Variants in ARHGAP19 observed in about 807,000 individuals in gnomAD.
The protein encoded by ARHGAP19 is Rho GTPase activating protein 19.
A neutral mutation model predicts 60.9 loss-of-function variants in ARHGAP19; 48 were observed. The observed-to-expected ratio is 0.79, with a 90% CI of 0.62 to 1.00. The LOEUF (loss-of-function observed/expected upper bound fraction) is 1.00. ARHGAP19 is among the 50% of genes least tolerant of loss of function. The probability of loss-of-function intolerance (pLI) is 0.00; values close to 1 mark genes in which losing one functional copy is unlikely to be tolerated. For synonymous variants in ARHGAP19, 209 were observed against 215.5 expected, an observed-to-expected ratio of 0.97 and a Z score of 0.27; for missense variants, 562 against 597.2, an observed-to-expected ratio of 0.94 and a Z score of 0.61.
intron 5 of ARHGAP19, among the ~76,000 whole-genome samples, chr10:97,256,864 G>A (rs112947984): frequency 2.0e-4 from 30 of 152,178 alleles, no homozygotes; most frequent in African/African-American, 7.0e-4. Context: ...GCTCATGCCT[G>A]TAATCCCAGC....
At chr10:97,279,297 A>T (rs1284967103) in intron 1 of ARHGAP19, among the ~76,000 whole-genome samples, 1 of 152,152 alleles carries the variant, frequency 6.6e-6, no homozygotes, top group African/African-American at 2.4e-5. Flanking sequence ...AACGATATCC[A>T]ATTTCTTAGA....
intron 6 of ARHGAP19, among the ~76,000 whole-genome samples, chr10:97,249,750 T>C (rs1233564291): frequency 1.3e-5 from 2 of 151,828 alleles, no homozygotes; most frequent in East Asian, 3.9e-4. Flanking sequence ...AGCTAGTTGA[T>C]AAGAAATTCT....
At chr10:97,231,059 C>CAAAAAAAAAAAAAAAAAA (rs869291841) in intron 9 of ARHGAP19, among the ~76,000 whole-genome samples, 11 of 59,764 alleles carry the variant, frequency 1.8e-4, no homozygotes, top group African/African-American at 2.8e-4. Context: ...CTTGTCTCAC[C>CAAAAAAAAAAAAAAAAAA]AAAAAAAAAA....
intron 1 of ARHGAP19, among the ~76,000 whole-genome samples, chr10:97,272,169 T>C (rs1341570797): frequency 8.5e-6 from 1 of 117,174 alleles, no homozygotes; most frequent in African/African-American, 3.2e-5. Flanking sequence ...AGAGTCTCAC[T>C]CTGTCACCCG....
In ARHGAP19 at chr10:97,223,922, A is replaced by G. The variant is rs1369885685; in HGVS notation, c.*2200T>C. 1 of 152,248 alleles carries G rather than the reference A, an allele frequency of 6.6e-6. No homozygotes were observed. The highest frequency in any genetic ancestry group is 1.5e-5 in the Non-Finnish European group (1 of 68,050). The allele number at this position is 152,248 out of a possible 1,614,324, so 9.4% of individuals were successfully genotyped here. A position where few individuals can be genotyped will look rare whatever the true frequency, so the allele number is the denominator to read the frequency against. ...TAAAACCCCTAAAGCAAGGGAAAAC[A>G]TATTCAATAAATAAACAAAACACAC... On this transcript the variant is annotated 3_prime_UTR_variant, in exon 12 of 12. Coordinates refer to ENST00000358531, the MANE Select transcript of ARHGAP19 (RefSeq NM_032900.6).
chr10:97,263,294 C>A lies in ARHGAP19; in HGVS notation c.613+126G>T. 4 of 955,234 alleles carry A rather than the reference C, an allele frequency of 4.2e-6. 1 individual carries two copies. In the Admixed American group the frequency reaches 9.0e-5, roughly 21 times the overall value. 59.2% of individuals were successfully genotyped at this position (955,234 alleles called of 1,614,324 possible). ...ATGAGTACCCAGAGAAGTCCAGCAA[C>A]ATCACGAAATCTTAACCAATATTAA... On this transcript the variant is annotated intron_variant, in intron 4 of 11. Transcript: ENST00000358531.
chr10:97,267,714 G>A (rs1344387708), intron 1 of ARHGAP19, among the ~76,000 whole-genome samples: 1 of 152,270 alleles, frequency 6.6e-6, no homozygotes, highest in Admixed American at 6.5e-5. Context: ...GCCAAGGCAT[G>A]GGGCTTGCAC....
chr10:97,251,329 A>AAAGGGAAAGGAAGGGG (rs1842652046), intron 6 of ARHGAP19, among the ~76,000 whole-genome samples: 1 of 28,734 alleles, frequency 3.5e-5, no homozygotes, highest in Non-Finnish European at 6.9e-5. Context: ...AGGGAAGGGG[A>AAAGGGAAAGGAAGGGG]AAGGGAAAGG....
At chr10:97,236,605 G>T (rs927545099) in intron 8 of ARHGAP19, among the ~76,000 whole-genome samples, 1 of 151,928 alleles carries the variant, frequency 6.6e-6, no homozygotes, top group African/African-American at 2.4e-5. Context: ...GGTGTATCCA[G>T]AGCCTTTTTA....
intron 8 of ARHGAP19, among the ~76,000 whole-genome samples, chr10:97,237,348 T>C (rs1325450237): frequency 6.7e-6 from 1 of 149,416 alleles, no homozygotes; most frequent in Non-Finnish European, 1.5e-5. Flanking sequence ...ATGCACCACA[T>C]AATGACATTT....
intron 8 of ARHGAP19, among the ~76,000 whole-genome samples, chr10:97,242,455 T>C (rs947856067): frequency 6.7e-6 from 1 of 148,466 alleles, no homozygotes; most frequent in African/African-American, 2.5e-5. Context: ...TGCCTCAGCC[T>C]CCGGAATAGC....
chr10:97,242,024 AT>A lies in ARHGAP19; in HGVS notation c.1185+1943del, dbSNP rs1277761424. On this transcript the variant is annotated intron_variant, in intron 8 of 11. Transcript: ENST00000358531. ...GACTCTGCCTCAAAAAAAAAAAAAAATAATAATAATAATAATTAATAAATAA... is the reference window on the plus strand; with the variant it reads ...GACTCTGCCTCAAAAAAAAAAAAAAAAATAATAATAATAATTAATAAATAA... 1.2e-3 allele frequency among the ~76,000 whole-genome samples: 178 copies of A among 147,402 alleles called. 1 individual carries two copies. Among genetic ancestry groups the A allele is most frequent in the African/African-American group, 3.9e-3 (157 of 39,894 alleles).
chr10:97,242,981 A>G (rs1842512262), intron 8 of ARHGAP19, among the ~76,000 whole-genome samples: 1 of 152,184 alleles, frequency 6.6e-6, no homozygotes, highest in South Asian at 2.1e-4. Context: ...AGAAGTCATT[A>G]TACCTGTCCT....
intron 11 of ARHGAP19, among the ~76,000 whole-genome samples, chr10:97,227,348 C>T (rs1243242028): frequency 6.6e-6 from 1 of 152,040 alleles, no homozygotes; most frequent in African/African-American, 2.4e-5. Flanking sequence ...CCTGGCATTG[C>T]CAGGCTGGAA....
intron 11 of ARHGAP19, among the ~76,000 whole-genome samples, chr10:97,227,554 G>C (rs547767482): frequency 9.2e-5 from 14 of 152,150 alleles, no homozygotes; most frequent in Non-Finnish European, 1.8e-4. Flanking sequence ...AGAGGAAGAA[G>C]AACGAGAATA....
At chr10:97,290,891 C>T (rs1843222239) in intron 1 of ARHGAP19, among the ~76,000 whole-genome samples, 1 of 152,068 alleles carries the variant, frequency 6.6e-6, no homozygotes, top group South Asian at 2.1e-4. Flanking sequence ...GGGCGGTCAT[C>T]GGCCAATCTC....
chr10:97,274,602 GATTAT>G (rs1843001238), intron 1 of ARHGAP19, among the ~76,000 whole-genome samples: 1 of 152,112 alleles, frequency 6.6e-6, no homozygotes, highest in Non-Finnish European at 1.5e-5. Context: ...GAAGAATACT[GATTAT>G]ATTATTTTAT....
intron 9 of ARHGAP19, among the ~76,000 whole-genome samples, chr10:97,232,442 C>T (rs926659240): frequency 2.0e-5 from 3 of 152,082 alleles, no homozygotes; most frequent in African/African-American, 7.2e-5. Flanking sequence ...GGATTACAGG[C>T]GTGAGCCACT....
At chr10:97,278,473 T>G (rs1265395543) in intron 1 of ARHGAP19, among the ~76,000 whole-genome samples, 1 of 152,180 alleles carries the variant, frequency 6.6e-6, no homozygotes, top group Non-Finnish European at 1.5e-5. Flanking sequence ...CTTTAAAGCC[T>G]GAAAGCTGCA....
Sources: allele counts gnomAD v4.1 joint callset (sites outside exome capture counted in the v4.1 genomes callset), GRCh38; gene constraint gnomAD v4.1.1; transcripts MANE v1.5; gene names NCBI Gene and HGNC (gene_info 2026-07-23, HGNC 2026-07-21).